DDX10: variants seen among roughly 807,000 people sequenced by gnomAD.
DDX10 encodes the protein DEAD-box helicase 10.
Under a neutral mutation model 104.3 loss-of-function variants are expected in DDX10, and 74 were observed. That is an observed-to-expected ratio of 0.71 (90% CI 0.59 to 0.86). The LOEUF is 0.86. Ranked by LOEUF, DDX10 falls within the 40% of genes least tolerant of loss-of-function variation. The pLI, the probability that DDX10 is intolerant of heterozygous loss-of-function variation, is 0.00. For synonymous variants in DDX10, 351 were observed against 353.4 expected (o/e 0.99, Z 0.08); for missense variants, 952 against 1,040.0 (o/e 0.92, Z 1.16).
chr11:108,845,920 ATTC>A (rs1862711017), intron 15 of DDX10, among the ~76,000 whole-genome samples: 1 of 152,124 alleles, frequency 6.6e-6, no homozygotes, highest in Non-Finnish European at 1.5e-5. Flanking sequence ...ATGTGCACTC[ATTC>A]TTAGTATAGT....
intron 13 of DDX10, among the ~76,000 whole-genome samples, chr11:108,760,850 G>A (rs1200078988): frequency 6.6e-6 from 1 of 151,760 alleles, no homozygotes; most frequent in African/African-American, 2.4e-5. Context: ...TAAGTTTGTT[G>A]TTAGTCATTG....
At chr11:108,895,504 G>T (rs1216569588) in intron 16 of DDX10, among the ~76,000 whole-genome samples, 1 of 151,826 alleles carries the variant, frequency 6.6e-6, no homozygotes, top group African/African-American at 2.4e-5. Flanking sequence ...GACCATAAAG[G>T]ACTTATATTT....
At chr11:108,715,784 TA>T (rs1172693852) in intron 10 of DDX10, 94 bp from the exon 11 acceptor site, 5 of 676,220 alleles carry the variant, frequency 7.4e-6, no homozygotes, top group Non-Finnish European at 1.3e-5. Context: ...GTTATACATT[TA>T]AAAATACTGA....
At chr11:108,685,203 C>T (rs948011711) in intron 6 of DDX10, among the ~76,000 whole-genome samples, 14 of 151,742 alleles carry the variant, frequency 9.2e-5, no homozygotes, top group African/African-American at 3.4e-4. Context: ...GCGTAGGACC[C>T]TCTGAGCCAG....
At chr11:108,891,079 T>C (rs1360310371) in intron 16 of DDX10, among the ~76,000 whole-genome samples, 1 of 152,190 alleles carries the variant, frequency 6.6e-6, no homozygotes, top group African/African-American at 2.4e-5. Flanking sequence ...CTGCCTCTTA[T>C]GAAGCCCTTG....
At chr11:108,716,101 TA>T in intron 11 of DDX10, 135 bp downstream of exon 11, 1 of 648,832 alleles carries the variant, frequency 1.5e-6, no homozygotes, top group Non-Finnish European at 2.8e-6. Context: ...AAGTCTAGCT[TA>T]TTTTTTTTTT....
chr11:108,859,568 C>T (rs1862913523), intron 16 of DDX10, among the ~76,000 whole-genome samples: 1 of 152,138 alleles, frequency 6.6e-6, no homozygotes, highest in African/African-American at 2.4e-5. Flanking sequence ...TCCAATGAAA[C>T]AGCCTAAACA....
Position 108,673,448 on chromosome 11 carries a change from C to T in DDX10, c.187-19C>T. The T allele has an allele frequency of 1.3e-6, 2 of 1,531,034 alleles. No individual in the cohort carries two copies. 94.8% of individuals were successfully genotyped at this position (1,531,034 alleles called of 1,614,324 possible). ...GTGAAACAAATGAGTTACCCTGATT[C>T]CTTTTTCTTTTTTTCCAGATAAATG... On this transcript the variant is annotated intron_variant, in intron 1 of 17. Coordinates refer to ENST00000322536, the MANE Select transcript of DDX10 (RefSeq NM_004398.4).
Position 108,847,859 on chromosome 11 carries a change from AAGACTT to A in DDX10, c.2248-4290_2248-4285del, listed in dbSNP as rs1862739808. Among the ~76,000 whole-genome samples the A allele has an allele frequency of 1.3e-5, 2 of 152,206 alleles. 1 individual carries two copies. Among genetic ancestry groups the A allele is most frequent in the South Asian group, 4.1e-4 (2 of 4,828 alleles). On this transcript the variant is annotated intron_variant, in intron 15 of 17. Transcript: ENST00000322536. ...CATCATTTTTACAGATTACAAAACTAAGACTTAGAAGGGTCAAGTAATGTGTCCAGA... is the reference window on the plus strand; with the variant it reads ...CATCATTTTTACAGATTACAAAACTAAGAAGGGTCAAGTAATGTGTCCAGA...
At chr11:108,801,600 T>G (rs1367057069) in intron 13 of DDX10, among the ~76,000 whole-genome samples, 1 of 152,186 alleles carries the variant, frequency 6.6e-6, no homozygotes, top group Non-Finnish European at 1.5e-5. Context: ...TTTTCACCAC[T>G]TTATAATGCA....
chr11:108,685,538 G>A (rs1019901493), intron 6 of DDX10, among the ~76,000 whole-genome samples: 6 of 152,090 alleles, frequency 3.9e-5, no homozygotes, highest in African/African-American at 1.2e-4. Flanking sequence ...GTTCCTATTC[G>A]GCCATCTTGG....
rs1863771612 is a variant in DDX10 at position 108,917,887 on chromosome 11, G to A, written c.2319G>A (p.Glu773=). The change falls in exon 17 of 18, where the codon GAG becomes GAA. Residue 773 remains glutamate (E), a synonymous_variant. Transcript: ENST00000322536. ...TTATTTTTTAGGCCAAAGATGAAGAGGAAGCCTTTCTGGATTGGAGTGATG... is the reference window on the plus strand; with the variant it reads ...TTATTTTTTAGGCCAAAGATGAAGAAGAAGCCTTTCTGGATTGGAGTGATG... ...NKRQAKAKDE[E]EAFLDWSDDD... is the part of the protein sequence containing the mutation. 1 of 1,611,648 alleles carries A rather than the reference G, an allele frequency of 6.2e-7. No individual in the cohort carries two copies.
intron 16 of DDX10, among the ~76,000 whole-genome samples, chr11:108,886,465 C>A (rs1863297273): frequency 6.6e-6 from 1 of 152,128 alleles, no homozygotes; most frequent in African/African-American, 2.4e-5. Context: ...TGTGAAAATT[C>A]ATTCTTCATA....
chr11:108,792,588 TTCTG>T, intron 13 of DDX10, among the ~76,000 whole-genome samples: 1 of 152,304 alleles, frequency 6.6e-6, no homozygotes, highest in East Asian at 1.9e-4. Flanking sequence ...ACATTTCTCT[TTCTG>T]GAGTGTATAT....
intron 13 of DDX10, among the ~76,000 whole-genome samples, chr11:108,791,941 C>G (rs1454427639): frequency 6.6e-6 from 1 of 152,218 alleles, no homozygotes; most frequent in South Asian, 2.1e-4. Context: ...TTCATCATTG[C>G]AAGCTCTTGG....
At chr11:108,839,380 A>G (rs1227948126) in intron 14 of DDX10, among the ~76,000 whole-genome samples, 1 of 152,148 alleles carries the variant, frequency 6.6e-6, no homozygotes, top group Non-Finnish European at 1.5e-5. Context: ...ACTTCAGTCT[A>G]TATTTGACTA....
intron 17 of DDX10, among the ~76,000 whole-genome samples, chr11:108,924,250 A>C (rs930696490): frequency 2.6e-5 from 4 of 152,302 alleles, no homozygotes; most frequent in Middle Eastern, 3.4e-3. Context: ...ACCTTACATC[A>C]ATCTTTGCTT....
At chr11:108,891,955 C>T (rs1480383339) in intron 16 of DDX10, among the ~76,000 whole-genome samples, 2 of 152,082 alleles carry the variant, frequency 1.3e-5, no homozygotes, top group Non-Finnish European at 2.9e-5. Flanking sequence ...TTAGTATTAT[C>T]GATAGCTTCT....
Position 108,940,822 on chromosome 11 carries a change from G to C in DDX10, c.*399G>C, listed in dbSNP as rs559397047. ...TGCTGTTAAAATTGCTCATGATTTCGACGTATTTAATATTTTCAAAGAGAC... is the reference window on the plus strand; with the variant it reads ...TGCTGTTAAAATTGCTCATGATTTCCACGTATTTAATATTTTCAAAGAGAC... On this transcript the variant is annotated 3_prime_UTR_variant, in exon 18 of 18. Transcript: ENST00000322536. The C allele has an allele frequency of 4.4e-6, 1 of 224,904 alleles. No individual in the cohort carries two copies. The highest frequency in any genetic ancestry group is 2.2e-5 in the African/African-American group (1 of 44,690). The allele number at this position is 224,904 out of a possible 1,614,324, so 13.9% of individuals were successfully genotyped here. A position where few individuals can be genotyped will look rare whatever the true frequency, so the allele number is the denominator to read the frequency against.
Sources: gnomAD v4.1 joint callset for allele counts (sites outside exome capture counted in the v4.1 genomes callset) on GRCh38, gnomAD v4.1.1 for gene constraint, MANE v1.5 for transcripts, NCBI Gene and HGNC (gene_info 2026-07-23, HGNC 2026-07-21) for gene names.